RUSC2: variants seen among roughly 807,000 people sequenced by gnomAD.
RUSC2 encodes RUN and SH3 domain containing 2, also known as AP-4 complex accessory subunit RUSC2.
RUSC2 carries 34 observed loss-of-function variants against 122.2 expected under a neutral mutation model. The ratio of observed to expected loss-of-function variants is 0.28; its 90% CI spans 0.21 to 0.37. RUSC2 has a LOEUF of 0.37. Among genes scored for constraint, RUSC2 ranks in the 10% least tolerant of loss-of-function variants. RUSC2 has a pLI of 1.00. For missense variants in RUSC2, 1,747 were observed against 1,952.4 expected (o/e 0.89, Z 1.98); for synonymous variants, 784 against 790.0 (o/e 0.99, Z 0.13).
rs117783123 is a variant in RUSC2, at chr9:35,518,090, C to T, written c.-93+27918C>T. Among the ~76,000 whole-genome samples the T allele has an allele frequency of 6.8e-3, 1,032 of 152,306 alleles. 10 individuals are homozygous for T. Among genetic ancestry groups the T allele is most frequent in the Admixed American group, 9.8e-3 (150 of 15,296 alleles). On this transcript the variant is annotated intron_variant, in intron 1 of 11. Coordinates refer to ENST00000361226, the MANE Select transcript of RUSC2 (RefSeq NM_014806.5). Reference sequence around the variant, plus strand: ...TCCAGATGGAGCTAAGATCAAACTCCTTTATCACTAGTGATCAAATCTGGT... The same window carrying T: ...TCCAGATGGAGCTAAGATCAAACTCTTTTATCACTAGTGATCAAATCTGGT...
In RUSC2 at chr9:35,547,853, G is replaced by A; in HGVS notation, c.1332G>A (p.Glu444=). 2 of 1,614,172 alleles carry A rather than the reference G, an allele frequency of 1.2e-6. No individual in the cohort carries two copies. Among genetic ancestry groups the A allele is most frequent in the South Asian group, 2.2e-5 (2 of 91,084 alleles). ...GPDPGPSQPS[E]YYLFQKPEVQ... ...ACCCAGGCCCCAGCCAGCCCTCTGAGTATTACCTATTCCAGAAGCCAGAAG... is the reference window on the plus strand; with the variant it reads ...ACCCAGGCCCCAGCCAGCCCTCTGAATATTACCTATTCCAGAAGCCAGAAG... The change falls in exon 2 of 12, where the codon GAG becomes GAA. Residue 444 remains glutamate, a synonymous_variant. Coordinates refer to ENST00000361226, the MANE Select transcript of RUSC2 (RefSeq NM_014806.5). This position sits in a 1 kb window ranked among gnomAD's most constrained non-coding sequence, Gnocchi z 4.6.
In RUSC2 at chr9:35,548,841, C is replaced by A; in HGVS notation, c.2014+306C>A. The A allele has an allele frequency of 1.4e-6, 1 of 703,460 alleles. No individual in the cohort carries two copies. The highest frequency in any genetic ancestry group is 1.7e-6 in the Non-Finnish European group (1 of 572,476). 43.6% of individuals were successfully genotyped at this position (703,460 alleles called of 1,614,324 possible). A position where few individuals can be genotyped will look rare whatever the true frequency, so the allele number is the denominator to read the frequency against. On this transcript the variant is annotated intron_variant, in intron 2 of 11. Transcript: ENST00000361226. This position sits in a 1 kb window ranked among gnomAD's most constrained non-coding sequence, Gnocchi z 4.5. ...GGTCAGGAGTTTGAGACCAGCCTGG[C>A]CAACATAATGAAACCCCAGCTCTAC...
At chr9:35,513,190 T>TTTGTTG (rs147038968) in intron 1 of RUSC2, among the ~76,000 whole-genome samples, 7,872 of 149,714 alleles carry the variant, frequency 0.053, 255 homozygotes, top group Non-Finnish European at 0.071. Context: ...TATACTTTGT[T>TTTGTTG]TTGTTGTTGT....
rs1821791162 is a variant in RUSC2 at position 35,547,770 on chromosome 9, A to G, written c.1249A>G (p.Ile417Val). Residue 417 changes from isoleucine (I) to valine (V), a missense_variant, in exon 2 of 12, where the codon ATC (isoleucine) becomes GTC (valine). Ile to Val is a conservative substitution (Grantham distance 29). Coordinates refer to ENST00000361226, the MANE Select transcript of RUSC2 (RefSeq NM_014806.5). The surrounding 1 kb of genome is among the most constrained non-coding windows in gnomAD (Gnocchi z 4.6). ...QSSPSPAGSS[I>V]TSCSEEHTKI... ...ATCCCCAAGCCCTGCTGGCTCTTCC[A>G]TCACTAGCTGCTCTGAGGAACACAC... 1 of 1,613,960 alleles carries G rather than the reference A, an allele frequency of 6.2e-7. No homozygotes were observed. The highest frequency in any genetic ancestry group is 8.5e-7 in the Non-Finnish European group (1 of 1,180,030).
At position 35,551,645 on chromosome 9, in the gene RUSC2, T is replaced by A. The variant is rs74767769; in HGVS notation, c.2014+3110T>A. On this transcript the variant is annotated intron_variant, in intron 2 of 11. Coordinates refer to ENST00000361226, the MANE Select transcript of RUSC2 (RefSeq NM_014806.5). Reference sequence around the variant, plus strand: ...AACATGCTGCTCTGTTCCATAAGTCTCCAGTCTTCTCTTGATTCTGTACAG... The same window carrying A: ...AACATGCTGCTCTGTTCCATAAGTCACCAGTCTTCTCTTGATTCTGTACAG... Among the ~76,000 whole-genome samples the A allele has an allele frequency of 1.6e-4, 24 of 152,340 alleles. 1 individual carries two copies. The East Asian group carries it at 4.6e-3, about 29-fold the overall frequency.
chr9:35,560,937 C>G, intron 10 of RUSC2, 23 bp from the exon 11 acceptor site: 2 of 1,610,554 alleles, frequency 1.2e-6, no homozygotes, highest in Non-Finnish European at 1.7e-6. Context: ...TGGGCAGAGC[C>G]TGAGTCCAGC....
rs1363123982 is a variant in RUSC2, at chr9:35,560,867, T to C, written c.4211+16T>C. The C allele has an allele frequency of 1.3e-6, 2 of 1,551,290 alleles. No individual in the cohort carries two copies. The highest frequency in any genetic ancestry group is 2.5e-5 in the South Asian group (2 of 79,760). On this transcript the variant is annotated intron_variant, in intron 10 of 11. Transcript: ENST00000361226. The stretch of plus-strand genomic sequence containing the variant: ...CCACAAATAGGTGAGAGCCTGCCCA[T>C]GGTAGGGATGGAGGGAGTAGGGAGC...
chr9:35,528,489 T>A (rs1368653198), intron 1 of RUSC2, among the ~76,000 whole-genome samples: 1 of 151,842 alleles, frequency 6.6e-6, no homozygotes, highest in East Asian at 1.9e-4. Context: ...GAAGCAGAAT[T>A]CTCTTTATGC....
Position 35,560,922 on chromosome 9 carries a change from C to T in RUSC2, c.4212-38C>T, listed in dbSNP as rs2131708223. 3 of 1,605,112 alleles carry T rather than the reference C, an allele frequency of 1.9e-6. No individual in the cohort carries two copies. The East Asian group carries it at 6.7e-5, about 36-fold the overall frequency. On this transcript the variant is annotated intron_variant, in intron 10 of 11. Coordinates refer to ENST00000361226, the MANE Select transcript of RUSC2 (RefSeq NM_014806.5). ...TGTAAGCCAGGGCACGGGCAGAGCC[C>T]ATCCTGGGCAGAGCCTGAGTCCAGC...
chr9:35,496,020 T>A (rs1820705371), intron 1 of RUSC2, among the ~76,000 whole-genome samples: 1 of 152,250 alleles, frequency 6.6e-6, no homozygotes, highest in East Asian at 1.9e-4. Context: ...CCAAAACAGA[T>A]GAAGAAAATT....
chr9:35,513,212 TTGTTG>T (rs1171318345), intron 1 of RUSC2, among the ~76,000 whole-genome samples: 1 of 151,884 alleles, frequency 6.6e-6, no homozygotes, highest in Non-Finnish European at 1.5e-5. Context: ...GTTGTTGTTG[TTGTTG>T]TTGTTGTTGT....
intron 5 of RUSC2, among the ~76,000 whole-genome samples, 164 bp downstream of exon 5, chr9:35,556,612 C>G (rs1321115635): frequency 6.6e-6 from 1 of 152,030 alleles, no homozygotes; most frequent in African/African-American, 2.4e-5. Flanking sequence ...ATCATGAGGT[C>G]AGGAGTTCGA....
rs1303747770 is a variant in RUSC2 at position 35,561,878 on chromosome 9, A to T, written c.*496A>T. 1 of 691,772 alleles carries T rather than the reference A, an allele frequency of 1.4e-6. No individual in the cohort carries two copies. The highest frequency in any genetic ancestry group is 1.8e-5 in the African/African-American group (1 of 55,648). 42.9% of individuals were successfully genotyped at this position (691,772 alleles called of 1,614,324 possible). A position where few individuals can be genotyped will look rare whatever the true frequency, so the allele number is the denominator to read the frequency against. On this transcript the variant is annotated 3_prime_UTR_variant, in exon 12 of 12. Transcript: ENST00000361226. ...TATTTATTATACCTATTAATAAAAA[A>T]GGTGCTCAGCCTCCAAACCATTTTC...
intron 2 of RUSC2, among the ~76,000 whole-genome samples, chr9:35,550,075 G>T (rs2132557737): frequency 6.6e-6 from 1 of 152,038 alleles, no homozygotes; most frequent in Non-Finnish European, 1.5e-5. Flanking sequence ...AGCTAGGCAT[G>T]GTGGCGCATG....
At chr9:35,518,333 G>A (rs1431078013) in intron 1 of RUSC2, among the ~76,000 whole-genome samples, 2 of 152,202 alleles carry the variant, frequency 1.3e-5, no homozygotes, top group Non-Finnish European at 2.9e-5. Flanking sequence ...TGTTTTGTTT[G>A]CACTTCAGCA....
Position 35,555,489 on chromosome 9 carries a change from C to T in RUSC2, c.2444C>T (p.Pro815Leu), listed in dbSNP as rs1465534699. The T allele has an allele frequency of 3.1e-6, 5 of 1,614,126 alleles. No individual in the cohort carries two copies. In the African/African-American group the frequency reaches 5.3e-5, roughly 17 times the overall value. The change falls in exon 3 of 12, where the codon CCC becomes CTC. Residue 815 changes from proline to leucine, a missense_variant. Coordinates refer to ENST00000361226, the MANE Select transcript of RUSC2 (RefSeq NM_014806.5). This position sits in a 1 kb window ranked among gnomAD's most constrained non-coding sequence, Gnocchi z 4.6. ...CAGCCCACAGCCACAGAAAGCCTGC[C>T]CCCATGGAGCCACTCCTGTCCTTCT... Reference protein sequence around the residue: ...PEQPTATESLPPWSHSCPSAV... With the variant: ...PEQPTATESLLPWSHSCPSAV...
chr9:35,519,122 T>G (rs1821164443), intron 1 of RUSC2, among the ~76,000 whole-genome samples: 1 of 152,174 alleles, frequency 6.6e-6, no homozygotes, highest in African/African-American at 2.4e-5. Flanking sequence ...CTGAACTGTT[T>G]TCAACAAGAC....
At chr9:35,502,584 A>G (rs1820836208) in intron 1 of RUSC2, among the ~76,000 whole-genome samples, 1 of 152,184 alleles carries the variant, frequency 6.6e-6, no homozygotes, top group South Asian at 2.1e-4. Flanking sequence ...GTTTAAAAAC[A>G]TTTTCTGAAA....
intron 1 of RUSC2, among the ~76,000 whole-genome samples, chr9:35,510,751 G>A (rs937466656): frequency 6.6e-6 from 1 of 152,248 alleles, no homozygotes; most frequent in Non-Finnish European, 1.5e-5. Context: ...CTCTTCTAGA[G>A]CACTGTTGTG....
Sources: gnomAD v4.1 joint callset for allele counts (sites outside exome capture counted in the v4.1 genomes callset) on GRCh38, gnomAD v4.1.1 for gene constraint, Gnocchi (gnomAD v3.1) non-coding constraint, MANE v1.5 for transcripts, NCBI Gene and HGNC (gene_info 2026-07-23, HGNC 2026-07-21) for gene names.